Variants in ETHE1 observed in about 807,000 individuals in gnomAD.
ETHE1 encodes ETHE1 persulfide dioxygenase, also known as persulfide dioxygenase ETHE1, mitochondrial.
Under a neutral mutation model 25.7 loss-of-function variants are expected in ETHE1, and 16 were observed. The ratio of observed to expected loss-of-function variants is 0.62; its 90% CI spans 0.42 to 0.95. The LOEUF (loss-of-function observed/expected upper bound fraction) is 0.95. ETHE1 is among the 40% of genes least tolerant of loss of function. ETHE1 has a pLI of 0.00. For missense variants in ETHE1, 300 were observed against 333.6 expected, an observed-to-expected ratio of 0.90 and a Z score of 0.79; for synonymous variants, 139 against 135.9, an observed-to-expected ratio of 1.02 and a Z score of -0.16.
At chr19:43,512,535 G>A (rs977292544) in intron 3 of ETHE1, among the ~76,000 whole-genome samples, 10 of 152,150 alleles carry the variant, frequency 6.6e-5, no homozygotes, top group African/African-American at 2.2e-4. Flanking sequence ...ATGACTTAGG[G>A]TACCTAGTAG....
In ETHE1 at chr19:43,511,494, C is replaced by T. The variant is rs764728802; in HGVS notation, c.448G>A (p.Ala150Thr). 6.2e-7 allele frequency: 1 copy of T among 1,614,164 alleles called. No individual in the cohort carries two copies. Among genetic ancestry groups the T allele is most frequent in the South Asian group, 1.1e-5 (1 of 91,088 alleles). Residue 150 changes from alanine (A) to threonine (T), a missense_variant, in exon 4 of 7, where the codon GCC (alanine) becomes ACC (threonine). Coordinates refer to ENST00000292147, the MANE Select transcript of ETHE1 (RefSeq NM_014297.5). ...VTFVLNDHSM[A>T]FTGDALLIRG... ...ATCAACAGGGCATCTCCAGTGAAGG[C>T]CATGCTGTGGTCATTCAGGACGAAG...
chr19:43,508,722 C>T (rs1276291451), intron 5 of ETHE1, 53 bp downstream of exon 5: 4 of 1,365,272 alleles, frequency 2.9e-6, no homozygotes, highest in African/African-American at 1.4e-5. Context: ...CAGAGATTTA[C>T]ACTCCACTTT....
In ETHE1 at chr19:43,511,520, G is replaced by GT; in HGVS notation, c.421dup (p.Thr141AsnfsTer6). 2 of 1,614,134 alleles carry GT rather than the reference G, an allele frequency of 1.2e-6. No individual in the cohort carries two copies. Among genetic ancestry groups the GT allele is most frequent in the Non-Finnish European group, 1.7e-6 (2 of 1,180,026 alleles). On this transcript the variant is annotated frameshift_variant, in exon 4 of 7. Coordinates refer to ENST00000292147, the MANE Select transcript of ETHE1 (RefSeq NM_014297.5). LOFTEE classifies it high-confidence loss of function. ...CATGCTGTGGTCATTCAGGACGAAG[G>GT]TGACACAGCCTGGGGTGTGGCCAGG...
chr19:43,511,481 T>C lies in ETHE1; in HGVS notation c.461A>G (p.Asp154Gly). The C allele has an allele frequency of 6.2e-7, 1 of 1,614,120 alleles. No individual in the cohort carries two copies. Among genetic ancestry groups the C allele is most frequent in the Non-Finnish European group, 8.5e-7 (1 of 1,180,020 alleles). Residue 154 changes from aspartate (D) to glycine (G), a missense_variant, in exon 4 of 7, where the codon GAT (aspartate) becomes GGT (glycine). Physicochemically the swap from Asp to Gly is moderately conservative, Grantham distance 94. Coordinates refer to ENST00000292147, the MANE Select transcript of ETHE1 (RefSeq NM_014297.5). ...CCCACACCCACGGATCAACAGGGCA[T>C]CTCCAGTGAAGGCCATGCTGTGGTC... ...LNDHSMAFTG[D>G]ALLIRGCGRT...
chr19:43,526,694 C>T (rs749375635), intron 1 of ETHE1, 35 bp from the exon 2 acceptor site: 1 of 1,612,106 alleles, frequency 6.2e-7, no homozygotes, highest in Admixed American at 1.7e-5. Context: ...GGCGCAGAAC[C>T]GGACTTCCAC....
At chr19:43,523,516 A>G (rs1972177549) in intron 3 of ETHE1, among the ~76,000 whole-genome samples, 1 of 150,906 alleles carries the variant, frequency 6.6e-6, no homozygotes, top group South Asian at 2.1e-4. Flanking sequence ...ACCTCAAGTG[A>G]TCCGCCCACC....
intron 3 of ETHE1, among the ~76,000 whole-genome samples, chr19:43,513,750 C>T (rs539118462): frequency 1.4e-5 from 2 of 146,502 alleles, no homozygotes; most frequent in Non-Finnish European, 3.0e-5. Context: ...GAGACAGAAT[C>T]TCACTCTGTC....
intron 3 of ETHE1, among the ~76,000 whole-genome samples, chr19:43,513,622 T>A (rs2145989054): frequency 6.6e-6 from 1 of 152,302 alleles, no homozygotes; most frequent in Non-Finnish European, 1.5e-5. Flanking sequence ...AATCCCTGGA[T>A]CCCACTGTAT....
At chr19:43,519,829 C>T (rs1187881224) in intron 3 of ETHE1, among the ~76,000 whole-genome samples, 1 of 152,152 alleles carries the variant, frequency 6.6e-6, no homozygotes, top group Non-Finnish European at 1.5e-5. Context: ...GAACCCTACA[C>T]ACTATGCTTT....
At chr19:43,519,858 T>A (rs1406189853) in intron 3 of ETHE1, among the ~76,000 whole-genome samples, 2 of 152,116 alleles carry the variant, frequency 1.3e-5, no homozygotes, top group Non-Finnish European at 2.9e-5. Flanking sequence ...CATACGCACC[T>A]ATGATAGAGT....
At chr19:43,518,382 A>AT (rs1972065485) in intron 3 of ETHE1, among the ~76,000 whole-genome samples, 1 of 151,900 alleles carries the variant, frequency 6.6e-6, no homozygotes, top group Non-Finnish European at 1.5e-5. Flanking sequence ...AGAAAAAAAA[A>AT]GCTGTAAAAA....
intron 3 of ETHE1, among the ~76,000 whole-genome samples, chr19:43,524,995 A>G (rs966570297): frequency 6.6e-6 from 1 of 151,540 alleles, no homozygotes; most frequent in Non-Finnish European, 1.5e-5. Flanking sequence ...AACATACACA[A>G]ATCAGCCAGG....
At chr19:43,516,921 G>A (rs1356405810) in intron 3 of ETHE1, among the ~76,000 whole-genome samples, 1 of 151,872 alleles carries the variant, frequency 6.6e-6, no homozygotes, top group Non-Finnish European at 1.5e-5. Flanking sequence ...TGATGTGCCC[G>A]ATGACTAACA....
At chr19:43,521,292 T>C (rs1328593477) in intron 3 of ETHE1, among the ~76,000 whole-genome samples, 1 of 152,098 alleles carries the variant, frequency 6.6e-6, no homozygotes, top group African/African-American at 2.4e-5. Context: ...GCCACTGCAC[T>C]CTAGCCTGGG....
At chr19:43,509,031 A>G (rs1971852703) in intron 4 of ETHE1, among the ~76,000 whole-genome samples, 167 bp from the exon 5 acceptor site, 1 of 152,256 alleles carries the variant, frequency 6.6e-6, no homozygotes, top group African/African-American at 2.4e-5. Context: ...CATTCTAGGC[A>G]GATGGAACAG....
At chr19:43,511,605 A>C (rs762631533) in intron 3 of ETHE1, 39 bp from the exon 4 acceptor site, 1 of 1,605,360 alleles carries the variant, frequency 6.2e-7, no homozygotes, top group East Asian at 2.2e-5. Context: ...GTCACCAAGA[A>C]GCCTTCTAGA....
intron 3 of ETHE1, chr19:43,525,898 T>C: frequency 2.2e-6 from 1 of 451,640 alleles, no homozygotes; most frequent in Non-Finnish European, 4.1e-6. Flanking sequence ...CAGCCCCTAA[T>C]CAACTTTTAT....
chr19:43,517,035 C>G (rs1429629864), intron 3 of ETHE1, among the ~76,000 whole-genome samples: 1 of 151,066 alleles, frequency 6.6e-6, no homozygotes, highest in Non-Finnish European at 1.5e-5. Flanking sequence ...TGTTGACCAG[C>G]CTGGTCTTGA....
At chr19:43,519,005 T>A (rs1252899417) in intron 3 of ETHE1, among the ~76,000 whole-genome samples, 1 of 52,150 alleles carries the variant, frequency 1.9e-5, no homozygotes, top group African/African-American at 9.8e-5. Flanking sequence ...GCTTGTTTTT[T>A]TTTTTTTTTT....
Sources: gnomAD v4.1 joint callset for allele counts (sites outside exome capture counted in the v4.1 genomes callset) on GRCh38, gnomAD v4.1.1 for gene constraint, MANE v1.5 for transcripts, NCBI Gene and HGNC (gene_info 2026-07-23, HGNC 2026-07-21) for gene names.